BRSK1: variants seen among roughly 807,000 people sequenced by gnomAD.
BRSK1 encodes the protein serine/threonine-protein kinase BRSK1.
Under a neutral mutation model 86.2 loss-of-function variants are expected in BRSK1, and 17 were observed. That is an observed-to-expected ratio of 0.20 (90% confidence interval 0.14 to 0.30). The LOEUF (loss-of-function observed/expected upper bound fraction) is 0.30. BRSK1 is among the 10% of genes least tolerant of loss of function. The pLI is 1.00. For synonymous variants in BRSK1, 464 were observed against 440.1 expected (o/e 1.05, Z -0.68); for missense variants, 719 against 1,071.9 (o/e 0.67, Z 4.60).
intron 8 of BRSK1, 60 bp downstream of exon 8, chr19:55,301,718 T>C (rs1485361570): frequency 1.3e-6 from 2 of 1,559,840 alleles, no homozygotes; most frequent in Admixed American, 3.7e-5. Context: ...CAGAACCCCC[T>C]AGAAAAGTCA....
At chr19:55,295,971 A>AAT (rs376260750) in intron 7 of BRSK1, among the ~76,000 whole-genome samples, 2 of 151,750 alleles carry the variant, frequency 1.3e-5, no homozygotes, top group East Asian at 1.9e-4. Context: ...CCTATCTAAA[A>AAT]ATATATATAT....
At chr19:55,307,408 G>T (rs764398005) in intron 17 of BRSK1, among the ~76,000 whole-genome samples, 4 of 151,808 alleles carry the variant, frequency 2.6e-5, no homozygotes, top group Non-Finnish European at 5.9e-5. Context: ...AATAAGCCTC[G>T]CGTGGTGGTG....
rs1209334915 is a variant in BRSK1 at position 55,287,491 on chromosome 19, C to G, written c.317+192C>G. ...CACAGGGAACCCCACTGTTGTCACGCTGTGTTGGGCCTGAGGCCAAGGGCA... is the reference window on the plus strand; with the variant it reads ...CACAGGGAACCCCACTGTTGTCACGGTGTGTTGGGCCTGAGGCCAAGGGCA... On this transcript the variant is annotated intron_variant, in intron 3 of 18. Transcript: ENST00000309383. The surrounding 1 kb of genome is among the most constrained non-coding windows in gnomAD (Gnocchi z 5.3). Among the ~76,000 whole-genome samples, 1 of 152,172 alleles carries G rather than the reference C, an allele frequency of 6.6e-6. No homozygotes were observed. Among genetic ancestry groups the G allele is most frequent in the Admixed American group, 6.5e-5 (1 of 15,286 alleles).
intron 1 of BRSK1, 83 bp from the exon 2 acceptor site, chr19:55,286,924 A>G: frequency 7.7e-7 from 1 of 1,292,936 alleles, no homozygotes; most frequent in East Asian, 2.3e-5. Flanking sequence ...GAAGGAGCAA[A>G]CAGGGTGGCC....
intron 14 of BRSK1, 113 bp from the exon 15 acceptor site, chr19:55,305,208 G>C (rs918477668): frequency 1.4e-6 from 2 of 1,421,278 alleles, no homozygotes; most frequent in African/African-American, 2.8e-5. Context: ...TGGCTTGGCC[G>C]AGGCTGCAAC....
rs1243561610 is a variant in BRSK1 at position 55,286,044 on chromosome 19, G to GTCTGGA, written c.137-963_137-962insTCTGGA. ...TGAGTCTAAGGGAGGAGGGGCTGGG[G>GTCTGGA]GTCTGGAGTGCTGGGTCTGAGGGAG... is the stretch of plus-strand genomic sequence containing the variant. On this transcript the variant is annotated intron_variant, in intron 1 of 18. Transcript: ENST00000309383. Among the ~76,000 whole-genome samples, 75 of 140,434 alleles carry GTCTGGA rather than the reference G, an allele frequency of 5.3e-4. 26 individuals are homozygous for GTCTGGA. Among genetic ancestry groups the GTCTGGA allele is most frequent in the African/African-American group, 8.0e-4 (28 of 35,106 alleles). 92.1% of individuals were successfully genotyped at this position (140,434 alleles called of 152,430 possible). A position where few individuals can be genotyped will look rare whatever the true frequency, so the allele number is the denominator to read the frequency against.
intron 7 of BRSK1, among the ~76,000 whole-genome samples, chr19:55,298,216 T>C (rs1337323254): frequency 7.1e-6 from 1 of 141,232 alleles, no homozygotes; most frequent in East Asian, 2.1e-4. Flanking sequence ...CTTCTTTTTT[T>C]TTTTTTTTTT....
chr19:55,285,116 T>G (rs2088290941), intron 1 of BRSK1, among the ~76,000 whole-genome samples: 2 of 124,356 alleles, frequency 1.6e-5, no homozygotes, highest in African/African-American at 6.4e-5. Flanking sequence ...GGGACTGCGG[T>G]CCTGGACTTT....
At chr19:55,285,723 C>G (rs904009031) in intron 1 of BRSK1, among the ~76,000 whole-genome samples, 1 of 152,102 alleles carries the variant, frequency 6.6e-6, no homozygotes, top group Admixed American at 6.5e-5. Flanking sequence ...TCCTTCCTGC[C>G]GGATGGATGG....
Position 55,311,975 on chromosome 19 carries a change from C to G in BRSK1, c.2244C>G (p.Pro748=), listed in dbSNP as rs202034194. The part of the protein sequence containing the change: ...GAPPRSLQPP[P]GRPDPELSSS... The stretch of plus-strand genomic sequence containing the variant: ...CACCCCGAAGCCTGCAGCCCCCACC[C>G]GGCCGCCCAGACCCAGAGCTGAGCA... The change falls in exon 19 of 19, where the codon CCC becomes CCG. Residue 748 remains proline, a synonymous_variant. Transcript: ENST00000309383. The G allele has an allele frequency of 2.1e-4, 331 of 1,591,640 alleles. No individual in the cohort carries two copies. Among genetic ancestry groups the G allele is most frequent in the Non-Finnish European group, 2.7e-4 (314 of 1,169,038 alleles).
At chr19:55,284,786 C>A (rs1252954904) in intron 1 of BRSK1, among the ~76,000 whole-genome samples, 1 of 149,940 alleles carries the variant, frequency 6.7e-6, no homozygotes, top group Non-Finnish European at 1.5e-5. Flanking sequence ...GGGCTGGGGG[C>A]CTGGACTCCT....
At position 55,306,726 on chromosome 19, in the gene BRSK1, C is replaced by G. The variant is rs1164903877; in HGVS notation, c.2089+276C>G. ...GCCTACTGAGGTGTTAGTAATCACCCATTTTACGGAGGAGAAAACTGAGTC... is the reference window on the plus strand; with the variant it reads ...GCCTACTGAGGTGTTAGTAATCACCGATTTTACGGAGGAGAAAACTGAGTC... On this transcript the variant is annotated intron_variant, in intron 17 of 18. Coordinates refer to ENST00000309383, the MANE Select transcript of BRSK1 (RefSeq NM_032430.2). The surrounding 1 kb of genome is among the most constrained non-coding windows in gnomAD (Gnocchi z 4.7). Among the ~76,000 whole-genome samples the G allele has an allele frequency of 2.6e-5, 4 of 152,182 alleles. No individual in the cohort carries two copies. The highest frequency in any genetic ancestry group is 9.7e-5 in the African/African-American group (4 of 41,446).
chr19:55,292,359 ATAAAC>A (rs1300449756), intron 4 of BRSK1, among the ~76,000 whole-genome samples: 1 of 152,202 alleles, frequency 6.6e-6, no homozygotes, highest in Non-Finnish European at 1.5e-5. Context: ...ATACTTACAG[ATAAAC>A]TAATATGACA....
In BRSK1 at chr19:55,284,145, C is replaced by CG; in HGVS notation, c.-292dup. The CG allele has an allele frequency of 9.2e-6, 9 of 979,584 alleles. No individual in the cohort carries two copies. Among genetic ancestry groups the CG allele is most frequent in the Non-Finnish European group, 1.2e-5 (9 of 779,832 alleles). 60.7% of individuals were successfully genotyped at this position (979,584 alleles called of 1,614,324 possible). On this transcript the variant is annotated 5_prime_UTR_variant, in exon 1 of 19. It removes the in-frame stop codon of an upstream open reading frame in the 5' UTR. Coordinates refer to ENST00000309383, the MANE Select transcript of BRSK1 (RefSeq NM_032430.2). ...CGGCCCGCACCTCAGACCCCCCCGG[C>CG]GGGGGGAGGCGCAGGAAGCGGGGGG... is the stretch of plus-strand genomic sequence containing the variant.
rs1172820 is a variant in BRSK1 at position 55,304,526 on chromosome 19, T to C, written c.1348-25T>C. The C allele has an allele frequency of 0.55, 833,098 of 1,522,704 alleles. 235,808 individuals are homozygous for C. The highest frequency in any genetic ancestry group is 0.9 in the African/African-American group (63,238 of 70,540). The allele number at this position is 1,522,704 out of a possible 1,614,324, so 94.3% of individuals were successfully genotyped here. On this transcript the variant is annotated intron_variant, in intron 13 of 18. Coordinates refer to ENST00000309383, the MANE Select transcript of BRSK1 (RefSeq NM_032430.2). This position sits in a 1 kb window ranked among gnomAD's most constrained non-coding sequence, Gnocchi z 5.2. ...TCCTGGGAGTTGTAGTCCACTCGCT[T>C]ATCTCAGTCTCCTGTCCTCTGCAGA...
At chr19:55,285,692 C>T (rs1013556619) in intron 1 of BRSK1, among the ~76,000 whole-genome samples, 22 of 152,154 alleles carry the variant, frequency 1.4e-4, no homozygotes, top group Non-Finnish European at 2.6e-4. Flanking sequence ...TGTTGCTGAA[C>T]GCTGGCCACC....
chr19:55,286,733 C>T (rs1037742559), intron 1 of BRSK1, among the ~76,000 whole-genome samples: 5 of 148,366 alleles, frequency 3.4e-5, no homozygotes, highest in Non-Finnish European at 7.4e-5. Context: ...CTCCCCAGGA[C>T]GGAGAGGGTG....
chr19:55,286,064 A>C (rs1328519295), intron 1 of BRSK1, among the ~76,000 whole-genome samples: 1 of 40,874 alleles, frequency 2.4e-5, no homozygotes, highest in African/African-American at 1.1e-4. Context: ...GCTGGGTCTG[A>C]GGGAGGAGGG....
In BRSK1 at chr19:55,301,689, G is replaced by A. The variant is rs201309636; in HGVS notation, c.825+31G>A. ...TTGAGGGGGGGACCGGCGGAGGGGG[G>A]AACAGTGGCCGATGAAGACAGAACC... On this transcript the variant is annotated intron_variant, in intron 8 of 18. Coordinates refer to ENST00000309383, the MANE Select transcript of BRSK1 (RefSeq NM_032430.2). 3.1e-5 allele frequency: 48 copies of A among 1,552,230 alleles called. No individual in the cohort carries two copies. In the African/African-American group the frequency reaches 6.1e-4, roughly 20 times the overall value.
Sources: gnomAD v4.1 joint callset for allele counts (sites outside exome capture counted in the v4.1 genomes callset) on GRCh38, gnomAD v4.1.1 for gene constraint, Gnocchi (gnomAD v3.1) non-coding constraint, MANE v1.5 for transcripts, NCBI Gene and HGNC (gene_info 2026-07-23, HGNC 2026-07-21) for gene names.